The following GATA4 variants were observed in gnomAD, a reference collection of about 807,000 sequenced individuals.
The protein encoded by GATA4 is transcription factor GATA-4.
GATA4 carries 7 observed loss-of-function variants against 37.9 expected under a neutral mutation model. The ratio of observed to expected loss-of-function variants is 0.18; its 90% confidence interval spans 0.11 to 0.35. The LOEUF (loss-of-function observed/expected upper bound fraction) is 0.35, where lower values mean the gene tolerates loss of function less well. Among genes scored for constraint, GATA4 ranks in the 10% least tolerant of loss-of-function variants. The probability of loss-of-function intolerance (pLI) is 1.00; values close to 1 mark genes in which losing one functional copy is unlikely to be tolerated. For synonymous variants in GATA4, 372 were observed against 292.6 expected (o/e 1.27, Z -2.77); for missense variants, 647 against 653.0 (o/e 0.99, Z 0.10).
At chr8:11,680,378 C>A in intron 1 of GATA4, 1 of 641,986 alleles carries the variant, frequency 1.6e-6, no homozygotes, top group Non-Finnish European at 1.9e-6. Flanking sequence ...AACCAGGCCC[C>A]TCGGATTCAT....
chr8:11,691,001 G>A (rs557082254), upstream of GATA4, among the ~76,000 whole-genome samples: 1 of 152,218 alleles, frequency 6.6e-6, no homozygotes, highest in African/African-American at 2.4e-5. Context: ...CACCTTATAA[G>A]CGGGGCAAGT....
intron 4 of GATA4, among the ~76,000 whole-genome samples, chr8:11,752,304 C>T (rs907501714): frequency 6.6e-6 from 1 of 152,182 alleles, no homozygotes; most frequent in Non-Finnish European, 1.5e-5. Flanking sequence ...TGTTTTCACA[C>T]TGCTGATAAA....
chr8:11,697,593 C>G (rs1799543183), intron 1 of GATA4: 1 of 985,318 alleles, frequency 1.0e-6, no homozygotes, highest in Non-Finnish European at 1.2e-6. Context: ...GGGGTCCTCG[C>G]CTGCGCCGAG....
At chr8:11,747,621 C>A (rs2173117) in intron 2 of GATA4, among the ~76,000 whole-genome samples, 51,064 of 151,990 alleles carry the variant, frequency 0.34, 9,353 homozygotes, top group East Asian at 0.69. Context: ...ATTCCAAGAA[C>A]TGAAAAAGAA....
At position 11,759,982 on chromosome 8, in the gene GATA4, A is replaced by G. The variant is rs549001430; in HGVS notation, c.*1507A>G. 6.6e-6 allele frequency: 1 copy of G among 152,586 alleles called. No individual in the cohort carries two copies. The highest frequency in any genetic ancestry group is 1.5e-5 in the Non-Finnish European group (1 of 68,048). The allele number at this position is 152,586 out of a possible 1,614,324, so 9.5% of individuals were successfully genotyped here. A position where few individuals can be genotyped will look rare whatever the true frequency, so the allele number is the denominator to read the frequency against. On this transcript the variant is annotated 3_prime_UTR_variant, in exon 7 of 7. Transcript: ENST00000532059. ...TGGAAAATCAGTATTTAACTAATAA[A>G]TTTATCTGTATTCCTCTTTCCCTCG... is the stretch of plus-strand genomic sequence containing the variant.
At chr8:11,745,865 G>A (rs977515119) in intron 2 of GATA4, among the ~76,000 whole-genome samples, 1 of 152,300 alleles carries the variant, frequency 6.6e-6, no homozygotes, top group African/African-American at 2.4e-5. Context: ...CAATGTGGGG[G>A]AAAGTGAATG....
upstream of GATA4, among the ~76,000 whole-genome samples, chr8:11,690,075 A>T (rs1464173573): frequency 1.3e-5 from 2 of 152,244 alleles, no homozygotes; most frequent in Non-Finnish European, 2.9e-5. Context: ...AGGGCTCCAC[A>T]TCAGTGTCAG....
At chr8:11,747,273 G>T (rs1802078637) in intron 2 of GATA4, among the ~76,000 whole-genome samples, 1 of 152,178 alleles carries the variant, frequency 6.6e-6, no homozygotes, top group African/African-American at 2.4e-5. Context: ...AGAGACTACG[G>T]GGAGCAAGAA....
At chr8:11,746,722 G>C (rs1478320745) in intron 2 of GATA4, among the ~76,000 whole-genome samples, 1 of 151,764 alleles carries the variant, frequency 6.6e-6, no homozygotes, top group Non-Finnish European at 1.5e-5. Context: ...TGGTGGTCCA[G>C]CTGGGAGCAA....
chr8:11,744,566 T>A (rs1235615384), intron 2 of GATA4, among the ~76,000 whole-genome samples: 1 of 152,238 alleles, frequency 6.6e-6, no homozygotes, highest in African/African-American at 2.4e-5. Context: ...TCATACCAGA[T>A]GTCAGTGCTA....
At chr8:11,701,922 G>T (rs1321837383), upstream of GATA4, among the ~76,000 whole-genome samples, 2 of 152,140 alleles carry the variant, frequency 1.3e-5, no homozygotes, top group African/African-American at 4.8e-5. Flanking sequence ...GTAATCTGGG[G>T]TTCCTTGCAA....
In GATA4 at chr8:11,755,238, G is replaced by C. The variant is rs544579237; in HGVS notation, c.1000+105G>C. On this transcript the variant is annotated intron_variant, in intron 5 of 6. Transcript: ENST00000532059. ...GGCAGGCCAGCCCGGGCCGCCAGGGGGTGGTGACAGCATCGGACATCCCTG... is the reference window on the plus strand; with the variant it reads ...GGCAGGCCAGCCCGGGCCGCCAGGGCGTGGTGACAGCATCGGACATCCCTG... The C allele has an allele frequency of 1.2e-4, 101 of 860,734 alleles. No homozygotes were observed. In the Middle Eastern group the frequency reaches 3.2e-3, roughly 27 times the overall value. 53.3% of individuals were successfully genotyped at this position (860,734 alleles called of 1,614,324 possible).
chr8:11,757,140 CCA>C lies in GATA4; in HGVS notation c.1149+58_1149+59del, dbSNP rs1205628197. ...TTGTGGGGAGGCCGACTGCAGAGTC[CCA>C]GAGGCCAGCCTAGTACTGGGTGGGA... On this transcript the variant is annotated intron_variant, in intron 6 of 6. Transcript: ENST00000532059. The C allele has an allele frequency of 2.5e-6, 4 of 1,605,564 alleles. No homozygotes were observed. In the African/African-American group the frequency reaches 5.4e-5, roughly 21 times the overall value.
intron 2 of GATA4, among the ~76,000 whole-genome samples, chr8:11,724,814 G>A (rs546169477): frequency 1.3e-5 from 2 of 152,376 alleles, no homozygotes; most frequent in South Asian, 4.1e-4. Flanking sequence ...AGCCTTGGGA[G>A]TGAGTGGGTG....
intron 2 of GATA4, among the ~76,000 whole-genome samples, chr8:11,730,647 G>A (rs1801160394): frequency 6.6e-6 from 1 of 152,200 alleles, no homozygotes; most frequent in Admixed American, 6.5e-5. Flanking sequence ...GAGCAGCTGT[G>A]GGAAAAGGGA....
rs1802197622 is a variant in GATA4, at chr8:11,749,636, G to A, written c.787-475G>A. Among the ~76,000 whole-genome samples, 2 of 152,184 alleles carry A rather than the reference G, an allele frequency of 1.3e-5. No individual in the cohort carries two copies. The highest frequency in any genetic ancestry group is 4.8e-5 in the African/African-American group (2 of 41,444). On this transcript the variant is annotated intron_variant, in intron 3 of 6. Transcript: ENST00000532059. This position sits in a 1 kb window ranked among gnomAD's most constrained non-coding sequence, Gnocchi z 4.6. ...GATTCTGGTCAACACCAACCAGCTT[G>A]CACTATATTAAGGAGGGAAGAACAG...
chr8:11,739,384 C>T (rs1243319960), intron 2 of GATA4, among the ~76,000 whole-genome samples: 1 of 152,072 alleles, frequency 6.6e-6, no homozygotes, highest in African/African-American at 2.4e-5. Flanking sequence ...AGATATTTTC[C>T]CTTTAAAAAA....
At chr8:11,685,643 A>G (rs562331538) in intron 1 of GATA4, among the ~76,000 whole-genome samples, 1 of 152,220 alleles carries the variant, frequency 6.6e-6, no homozygotes, top group Admixed American at 6.5e-5. Context: ...ATTTTTCCAC[A>G]AGGAAGAGAT....
intron 2 of GATA4, among the ~76,000 whole-genome samples, chr8:11,740,759 G>A (rs1054964240): frequency 1.0e-4 from 15 of 150,208 alleles, no homozygotes; most frequent in African/African-American, 2.4e-4. Flanking sequence ...TTGGAGACAC[G>A]GTCTCACTCT....
Sources: allele counts gnomAD v4.1 joint callset (sites outside exome capture counted in the v4.1 genomes callset), GRCh38; gene constraint gnomAD v4.1.1; non-coding constraint Gnocchi (gnomAD v3.1); transcripts MANE v1.5; gene names NCBI Gene and HGNC (gene_info 2026-07-23, HGNC 2026-07-21).